The following DMBT1 variants were observed in gnomAD, a reference collection of about 807,000 sequenced individuals.
DMBT1 encodes the protein scavenger receptor cysteine-rich domain-containing protein DMBT1.
In DMBT1, 198 loss-of-function variants were observed where a neutral mutation model predicts 252.9. The ratio of observed to expected loss-of-function variants is 0.78; its 90% CI spans 0.70 to 0.88. The LOEUF (loss-of-function observed/expected upper bound fraction) is 0.88, where lower values mean the gene tolerates loss of function less well. Among genes scored for constraint, DMBT1 ranks in the 40% least tolerant of loss-of-function variants. The pLI is 0.00. For missense variants in DMBT1, 2,432 were observed against 2,404.7 expected (o/e 1.01, Z -0.24); for synonymous variants, 990 against 942.7 (o/e 1.05, Z -0.92).
chr10:122,599,972 T>C, intron 26 of DMBT1, 92 bp from the exon 27 acceptor site: 2 of 1,517,768 alleles, frequency 1.3e-6, no homozygotes, highest in Admixed American at 1.7e-5. Context: ...ATGGACTGAG[T>C]GTCAGACTCG....
intron 1 of DMBT1, 138 bp downstream of exon 1, chr10:122,560,969 T>C (rs2097541164): frequency 1.7e-6 from 1 of 587,868 alleles, no homozygotes; most frequent in African/African-American, 1.9e-5. Flanking sequence ...TGTAATTGTT[T>C]GCAGGTATTC....
chr10:122,576,572 G>T lies in DMBT1; in HGVS notation c.457G>T (p.Gly153Ter). 6.2e-7 allele frequency: 1 copy of T among 1,613,960 alleles called. No homozygotes were observed. The highest frequency in any genetic ancestry group is 8.5e-7 in the Non-Finnish European group (1 of 1,179,850). Residue 153 changes from glycine (G) to a stop codon, truncating the protein, a stop_gained, in exon 7 of 56, where the codon GGA becomes TGA. Coordinates refer to ENST00000338354, the MANE Select transcript of DMBT1 (RefSeq NM_001377530.1). LOFTEE classifies it high-confidence loss of function. ...TTGTGGCTGGGCCATGTCAGCTCCA[G>T]GAAATGCCTGGTTTGGCCAGGGCTC... ...LGCGWAMSAPGNAWFGQGSGP... is the reference protein window; with the variant it reads ...LGCGWAMSAP
intron 26 of DMBT1, 40 bp downstream of exon 26, chr10:122,599,137 A>C (rs758488103): frequency 6.2e-7 from 1 of 1,613,362 alleles, no homozygotes; most frequent in African/African-American, 1.3e-5. Flanking sequence ...CTTGGGGTGG[A>C]GTTTGCTCCA....
chr10:122,622,943 A>T (rs1410533097), intron 44 of DMBT1, among the ~76,000 whole-genome samples: 8 of 152,122 alleles, frequency 5.3e-5, no homozygotes, highest in African/African-American at 1.9e-4. Flanking sequence ...CTATCCTGAG[A>T]TGGAACCTTC....
At chr10:122,584,989 C>G (rs1034111252) in intron 14 of DMBT1, among the ~76,000 whole-genome samples, 1 of 148,896 alleles carries the variant, frequency 6.7e-6, no homozygotes, top group Admixed American at 6.7e-5. Flanking sequence ...TAGATGTACC[C>G]GTCAGTGCAT....
intron 15 of DMBT1, 117 bp from the exon 16 acceptor site, chr10:122,585,943 A>G (rs2097785698): frequency 6.5e-7 from 1 of 1,527,824 alleles, no homozygotes; most frequent in African/African-American, 1.4e-5. Flanking sequence ...TCATATTCAA[A>G]GGTGACTGCC....
At chr10:122,617,083 G>T in intron 39 of DMBT1, 145 bp from the exon 40 acceptor site, 1 of 969,976 alleles carries the variant, frequency 1.0e-6, no homozygotes. Flanking sequence ...CAGCAGAGGA[G>T]ACCTGGGAAG....
chr10:122,580,867 T>G lies in DMBT1; in HGVS notation c.1005T>G (p.Ala335=), dbSNP rs1372386013. 1 of 1,613,794 alleles carries G rather than the reference T, an allele frequency of 6.2e-7. No homozygotes were observed. The highest frequency in any genetic ancestry group is 8.5e-7 in the Non-Finnish European group (1 of 1,179,856). ...HSEDAGVICS[A]PQSRPTPSPD... is the part of the protein sequence containing the mutation. The stretch of plus-strand genomic sequence containing the variant: ...GACCTTCTCTTCTCTTTCTCACAGC[T>G]CCCCAGTCCCGGCCGACACCCAGCC... Residue 335 remains alanine (A), a splice_region_variant and synonymous_variant, in exon 11 of 56, where the codon GCT becomes GCG. Transcript: ENST00000338354.
chr10:122,617,245 C>A lies in DMBT1; in HGVS notation c.4876C>A (p.Arg1626Ser). The stretch of plus-strand genomic sequence containing the variant: ...ATTTACAGACACTTGGCCAACCTCT[C>A]GTGCATCAACAGCAGGTAAACAATC... ...TPSPDTWPTS[R>S]ASTAGSESTL... Residue 1626 changes from arginine (R) to serine (S), a missense_variant, in exon 40 of 56, where the codon CGT (arginine) becomes AGT (serine). Transcript: ENST00000338354. 6.2e-7 allele frequency: 1 copy of A among 1,609,882 alleles called. No homozygotes were observed. Among genetic ancestry groups the A allele is most frequent in the Non-Finnish European group, 8.5e-7 (1 of 1,178,914 alleles).
At chr10:122,626,823 AT>A (rs557261982) in intron 46 of DMBT1, among the ~76,000 whole-genome samples, 2 of 152,314 alleles carry the variant, frequency 1.3e-5, no homozygotes, top group East Asian at 3.9e-4. Flanking sequence ...ATCTTCCTTG[AT>A]TGGGGAGTTA....
chr10:122,635,252 G>C (rs1048451744), intron 52 of DMBT1, among the ~76,000 whole-genome samples: 3 of 152,190 alleles, frequency 2.0e-5, no homozygotes, highest in Non-Finnish European at 2.9e-5. Context: ...AAAAGCTTTA[G>C]AGAGATTATT....
chr10:122,576,416 G>T lies in DMBT1; in HGVS notation c.301G>T (p.Ala101Ser), dbSNP rs1358544050. Residue 101 changes from alanine to serine, a missense_variant, in exon 7 of 56, where the codon GCC becomes TCC. Around this residue, in one of 3 missense-constraint regions of DMBT1, gnomAD observed 1,264 missense variants for 1,082.2 expected, o/e 1.17. Coordinates refer to ENST00000338354, the MANE Select transcript of DMBT1 (RefSeq NM_001377530.1). The stretch of plus-strand genomic sequence containing the variant: ...TCCTCTAGGATCTGATTCTGGTTTG[G>T]CCCTGAGGCTGGTGAATGGAGATGG... The part of the protein sequence containing the change: ...TVAEGSDSGL[A>S]LRLVNGDGRC... 1.9e-6 allele frequency: 3 copies of T among 1,613,854 alleles called. No homozygotes were observed. Among genetic ancestry groups the T allele is most frequent in the Admixed American group, 1.7e-5 (1 of 60,012 alleles).
At chr10:122,587,868 G>A (rs2097804334) in intron 16 of DMBT1, among the ~76,000 whole-genome samples, 1 of 148,444 alleles carries the variant, frequency 6.7e-6, no homozygotes, top group Non-Finnish European at 1.5e-5. Flanking sequence ...TCAGTGGATG[G>A]GGCAGGCAAA....
chr10:122,592,515 C>A lies in DMBT1; in HGVS notation c.2420C>A (p.Ser807Tyr), dbSNP rs1172833545. Residue 807 changes from serine to tyrosine, a missense_variant, in exon 20 of 56, where the codon TCC (serine) becomes TAC (tyrosine). Coordinates refer to ENST00000338354, the MANE Select transcript of DMBT1 (RefSeq NM_001377530.1). ...GATGTGCGCTGCTCAGGACACGAGT[C>A]CTACCTGTGGAGCTGCCCCCACAAT... ...LDDVRCSGHE[S>Y]YLWSCPHNGW... 1.3e-6 allele frequency: 2 copies of A among 1,588,208 alleles called. No individual in the cohort carries two copies. The highest frequency in any genetic ancestry group is 2.3e-5 in the South Asian group (2 of 86,914).
intron 54 of DMBT1, 91 bp from the exon 55 acceptor site, chr10:122,639,949 C>A: frequency 6.9e-7 from 1 of 1,450,382 alleles, no homozygotes; most frequent in East Asian, 2.4e-5. Flanking sequence ...CTTGTTGAGT[C>A]ACGTCCCTCT....
At chr10:122,580,161 C>T (rs116080733) in intron 10 of DMBT1, among the ~76,000 whole-genome samples, 109 of 152,070 alleles carry the variant, frequency 7.2e-4, no homozygotes, top group African/African-American at 2.5e-3. Flanking sequence ...GAGAAAAGTG[C>T]CGGCTCCCCA....
At chr10:122,564,633 T>TA (rs1469430526) in intron 1 of DMBT1, among the ~76,000 whole-genome samples, 2 of 18,240 alleles carry the variant, frequency 1.1e-4, no homozygotes, top group Non-Finnish European at 3.0e-4. Flanking sequence ...ATCACATGTA[T>TA]TTTTTTTTTT....
intron 40 of DMBT1, among the ~76,000 whole-genome samples, chr10:122,617,612 T>C (rs1473077553): frequency 6.6e-6 from 1 of 151,668 alleles, no homozygotes; most frequent in Non-Finnish European, 1.5e-5. Context: ...TCCCTGCAGC[T>C]GTCTGGCCAA....
intron 15 of DMBT1, among the ~76,000 whole-genome samples, 151 bp downstream of exon 15, chr10:122,585,460 C>T (rs1007324508): frequency 2.7e-5 from 4 of 147,690 alleles, no homozygotes; most frequent in African/African-American, 9.8e-5. Context: ...CTCTGGGGAC[C>T]CAGCTGTGGG....
Sources: allele counts gnomAD v4.1 joint callset (sites outside exome capture counted in the v4.1 genomes callset), GRCh38; gene constraint gnomAD v4.1.1; regional missense constraint gnomAD v4.1.1; transcripts MANE v1.5; gene names NCBI Gene and HGNC (gene_info 2026-07-23, HGNC 2026-07-21).